CRADD: variants seen among roughly 807,000 people sequenced by gnomAD.
The protein encoded by CRADD is CARD and death domain containing adaptor protein, also known as death domain-containing protein CRADD.
CRADD carries 9 observed loss-of-function variants against 15.5 expected under a neutral mutation model. The observed-to-expected ratio is 0.58, with a 90% CI of 0.35 to 1.01. The LOEUF (loss-of-function observed/expected upper bound fraction) is 1.01, where lower values mean the gene tolerates loss of function less well. CRADD is among the 50% of genes least tolerant of loss of function. The pLI is 0.02. For synonymous variants in CRADD, 118 were observed against 107.6 expected, an observed-to-expected ratio of 1.10 and a Z score of -0.60; for missense variants, 227 against 250.3, an observed-to-expected ratio of 0.91 and a Z score of 0.63.
chr12:93,677,625 C>G (rs1031481008), intron 1 of CRADD, 153 bp downstream of exon 1: 1 of 152,294 alleles, frequency 6.6e-6, no homozygotes, highest in African/African-American at 2.4e-5. Context: ...GGCCCGCTCT[C>G]CCCTTGGTCC....
chr12:93,854,387 C>G (rs1958253936), downstream of CRADD, among the ~76,000 whole-genome samples: 1 of 152,208 alleles, frequency 6.6e-6, no homozygotes, highest in Admixed American at 6.5e-5. Flanking sequence ...AGGGGTTCCC[C>G]AGACAGCAAG....
chr12:93,866,312 CT>C (rs1958366886), intron 2 of CRADD, among the ~76,000 whole-genome samples: 1 of 152,114 alleles, frequency 6.6e-6, no homozygotes, highest in Non-Finnish European at 1.5e-5. Flanking sequence ...TACCCTTTCT[CT>C]CTTATTTTTT....
chr12:93,892,826 A>C lies in CRADD; in HGVS notation c.299-1224A>C, dbSNP rs560306404. Among the ~76,000 whole-genome samples the C allele has an allele frequency of 6.6e-5, 10 of 152,330 alleles. No homozygotes were observed. The South Asian group carries it at 1.9e-3, about 28-fold the overall frequency. Reference sequence around the variant, plus strand: ...TCCAGCCCTGTTGGCCACTAGGGAAATAGAAGGAACAGCTTGATCAAGGTT... The same window carrying C: ...TCCAGCCCTGTTGGCCACTAGGGAACTAGAAGGAACAGCTTGATCAAGGTT... On this transcript the variant is annotated intron_variant, in intron 2 of 2. Transcript: ENST00000548483.
chr12:93,758,500 GATATTA>G (rs1956915754), intron 2 of CRADD, among the ~76,000 whole-genome samples: 1 of 151,640 alleles, frequency 6.6e-6, no homozygotes, highest in Non-Finnish European at 1.5e-5. Context: ...AATATTAACT[GATATTA>G]ATATTAATGT....
intron 2 of CRADD, among the ~76,000 whole-genome samples, chr12:93,763,553 CT>C (rs1956993601): frequency 1.3e-5 from 2 of 151,378 alleles, no homozygotes; most frequent in South Asian, 4.2e-4. Flanking sequence ...TCTTTTTCTT[CT>C]TTTAATTCTT....
chr12:93,838,813 C>G (rs1199082066), intron 2 of CRADD, among the ~76,000 whole-genome samples: 4 of 151,936 alleles, frequency 2.6e-5, no homozygotes, highest in Non-Finnish European at 4.4e-5. Context: ...GAAGTTCGAT[C>G]AGTGACACAA....
rs1592870922 is a variant in CRADD, at chr12:93,679,047, A to G, written c.273A>G (p.Glu91=). The change falls in exon 2 of 3, where the codon GAA becomes GAG. Residue 91 remains glutamate, a synonymous_variant. Coordinates refer to ENST00000332896, the MANE Select transcript of CRADD (RefSeq NM_003805.5). ...GGGAGAAGCTGAAGAAGGCAAGGGA[A>G]GAGGCCATGACCGACCTGCCTGCAG... ...WVREKLKKAR[E]EAMTDLPAGD... 6.2e-7 allele frequency: 1 copy of G among 1,614,058 alleles called. No individual in the cohort carries two copies. Among genetic ancestry groups the G allele is most frequent in the Non-Finnish European group, 8.5e-7 (1 of 1,179,906 alleles).
chr12:93,865,205 G>T (rs1958355302), intron 2 of CRADD, among the ~76,000 whole-genome samples: 1 of 152,086 alleles, frequency 6.6e-6, no homozygotes, highest in South Asian at 2.1e-4. Flanking sequence ...ATAACAGATA[G>T]CCTAGGGTGA....
At chr12:93,750,320 G>A (rs1956814904) in intron 2 of CRADD, among the ~76,000 whole-genome samples, 1 of 151,264 alleles carries the variant, frequency 6.6e-6, no homozygotes, top group African/African-American at 2.4e-5. Flanking sequence ...TAAGATGAAA[G>A]AATGATCTTT....
At chr12:93,741,921 G>A (rs1464670465) in intron 2 of CRADD, among the ~76,000 whole-genome samples, 1 of 152,052 alleles carries the variant, frequency 6.6e-6, no homozygotes, top group East Asian at 1.9e-4. Context: ...TGAACCCTTA[G>A]TGCTCATTCT....
chr12:93,759,753 G>GA (rs957163553), intron 2 of CRADD, among the ~76,000 whole-genome samples: 10 of 151,424 alleles, frequency 6.6e-5, no homozygotes, highest in Non-Finnish European at 1.0e-4. Context: ...TCTGATTCCA[G>GA]AAAAAAAAGC....
In CRADD at chr12:93,777,725, C is replaced by T. The variant is rs550392456; in HGVS notation, c.299-72245C>T. Among the ~76,000 whole-genome samples the T allele has an allele frequency of 4.6e-4, 70 of 152,220 alleles. 1 individual carries two copies. Among genetic ancestry groups the T allele is most frequent in the African/African-American group, 1.5e-3 (63 of 41,534 alleles). ...TGCTGATGGATAAAATTTAGCTCAACGGAATGAGGGTTAATCTCACGGTAT... is the reference window on the plus strand; with the variant it reads ...TGCTGATGGATAAAATTTAGCTCAATGGAATGAGGGTTAATCTCACGGTAT... On this transcript the variant is annotated intron_variant, in intron 2 of 2. Transcript: ENST00000332896.
chr12:93,677,531 GGCCCTGCGGGGGCTTCCCC>G (rs1955186919), intron 1 of CRADD, 59 bp downstream of exon 1: 2 of 152,250 alleles, frequency 1.3e-5, no homozygotes, highest in Non-Finnish European at 1.5e-5. Flanking sequence ...CTGCGACCTG[GGCCCTGCGGGGGCTTCCCC>G]GCCCCGCTAA....
intron 2 of CRADD, among the ~76,000 whole-genome samples, chr12:93,825,857 C>T (rs1957817922): frequency 6.6e-6 from 1 of 152,238 alleles, no homozygotes; most frequent in Non-Finnish European, 1.5e-5. Context: ...GCAACATGGC[C>T]TCCTCCTTCC....
intron 2 of CRADD, among the ~76,000 whole-genome samples, chr12:93,879,006 T>A (rs557792718): frequency 1.3e-5 from 2 of 152,326 alleles, no homozygotes; most frequent in East Asian, 3.9e-4. Context: ...TCTCCCACAA[T>A]TTTTATTAAG....
At chr12:93,704,904 C>T (rs1475868322) in intron 2 of CRADD, among the ~76,000 whole-genome samples, 1 of 152,164 alleles carries the variant, frequency 6.6e-6, no homozygotes, top group Non-Finnish European at 1.5e-5. Flanking sequence ...TGCCCTGCTC[C>T]CAGTTTTGCT....
intron 2 of CRADD, among the ~76,000 whole-genome samples, chr12:93,687,442 T>A (rs1185033707): frequency 1.3e-5 from 2 of 152,166 alleles, no homozygotes; most frequent in Non-Finnish European, 2.9e-5. Flanking sequence ...CAGGCTCTAC[T>A]CCAGGTGAAT....
In CRADD at chr12:93,760,606, A is replaced by G. The variant is rs545122338; in HGVS notation, c.298+81534A>G. ...TGCTCACAGTATGCCCAATCAGAGC[A>G]CAGACAGGTGTGTGATGGTGGCTTC... On this transcript the variant is annotated intron_variant, in intron 2 of 2. Coordinates refer to ENST00000332896, the MANE Select transcript of CRADD (RefSeq NM_003805.5). 6.6e-5 allele frequency among the ~76,000 whole-genome samples: 10 copies of G among 152,300 alleles called. No individual in the cohort carries two copies. The South Asian group carries it at 2.1e-3, about 32-fold the overall frequency.
chr12:93,850,383 A>C lies in CRADD; in HGVS notation c.*112A>C, dbSNP rs1284045720. The C allele has an allele frequency of 7.0e-7, 1 of 1,419,996 alleles. No individual in the cohort carries two copies. The highest frequency in any genetic ancestry group is 9.1e-7 in the Non-Finnish European group (1 of 1,093,132). 88.0% of individuals were successfully genotyped at this position (1,419,996 alleles called of 1,614,324 possible). A position where few individuals can be genotyped will look rare whatever the true frequency, so the allele number is the denominator to read the frequency against. ...GTAGGTTTGTTTTTTATTTTTGATG[A>C]TCTTCAGATGGAAGGAGAAAACAGG... On this transcript the variant is annotated 3_prime_UTR_variant, in exon 3 of 3. Coordinates refer to ENST00000332896, the MANE Select transcript of CRADD (RefSeq NM_003805.5). This position sits in a 1 kb window ranked among gnomAD's most constrained non-coding sequence, Gnocchi z 4.0.
Sources: gnomAD v4.1 joint callset for allele counts (sites outside exome capture counted in the v4.1 genomes callset) on GRCh38, gnomAD v4.1.1 for gene constraint, Gnocchi (gnomAD v3.1) non-coding constraint, MANE v1.5 for transcripts, NCBI Gene and HGNC (gene_info 2026-07-23, HGNC 2026-07-21) for gene names.